The following SYT14 variants were observed in gnomAD, a reference collection of about 807,000 sequenced individuals.
SYT14 encodes the protein synaptotagmin 14, also known as synaptotagmin-14.
In SYT14, 32 loss-of-function variants were observed where a neutral mutation model predicts 74.2. The observed-to-expected ratio is 0.43, with a 90% CI of 0.33 to 0.58. The LOEUF (loss-of-function observed/expected upper bound fraction) is 0.58. Ranked by LOEUF, SYT14 falls within the 20% of genes least tolerant of loss-of-function variation. The probability of loss-of-function intolerance (pLI) is 0.05; values close to 1 mark genes in which losing one functional copy is unlikely to be tolerated. For missense variants in SYT14, 791 were observed against 981.8 expected, an observed-to-expected ratio of 0.81 and a Z score of 2.60; for synonymous variants, 298 against 337.7, an observed-to-expected ratio of 0.88 and a Z score of 1.29.
intron 2 of SYT14, among the ~76,000 whole-genome samples, chr1:210,010,976 T>A (rs2080076237): frequency 6.6e-6 from 1 of 152,142 alleles, no homozygotes; most frequent in South Asian, 2.1e-4. Context: ...TGCTGTATGG[T>A]TTTGTGCTAT....
intron 5 of SYT14, among the ~76,000 whole-genome samples, chr1:210,027,263 A>G (rs922230273): frequency 6.6e-6 from 1 of 152,100 alleles, no homozygotes; most frequent in African/African-American, 2.4e-5. Context: ...AAATTTTGAA[A>G]AACTAGCCGA....
chr1:210,029,045 A>G (rs1031205243), intron 5 of SYT14, among the ~76,000 whole-genome samples: 1 of 152,132 alleles, frequency 6.6e-6, no homozygotes, highest in Admixed American at 6.5e-5. Flanking sequence ...ACATCATTTC[A>G]TGTGCTTATT....
At chr1:210,144,613 C>T (rs1288713995) in intron 7 of SYT14, among the ~76,000 whole-genome samples, 2 of 151,980 alleles carry the variant, frequency 1.3e-5, no homozygotes, top group African/African-American at 4.8e-5. Flanking sequence ...TCACTAACCA[C>T]TGTTGGAAAA....
intron 2 of SYT14, among the ~76,000 whole-genome samples, chr1:209,977,422 G>A (rs560845497): frequency 1.6e-4 from 25 of 152,132 alleles, no homozygotes; most frequent in African/African-American, 4.3e-4. Context: ...ATCTCTCACC[G>A]TTTGCTTGTC....
chr1:210,003,467 A>G (rs549025425), intron 2 of SYT14, among the ~76,000 whole-genome samples: 3 of 152,270 alleles, frequency 2.0e-5, no homozygotes, highest in East Asian at 3.9e-4. Context: ...CTGTTATTCT[A>G]ATGGAGTTTT....
chr1:209,947,728 A>G (rs534453613), intron 1 of SYT14, among the ~76,000 whole-genome samples: 33 of 152,366 alleles, frequency 2.2e-4, no homozygotes, highest in Admixed American at 2.2e-3. Flanking sequence ...GACTGACTCC[A>G]GTTTTTAAAG....
At chr1:209,953,853 T>C (rs2078951142) in intron 2 of SYT14, among the ~76,000 whole-genome samples, 1 of 152,204 alleles carries the variant, frequency 6.6e-6, no homozygotes, top group African/African-American at 2.4e-5. Context: ...TTGAAGTCAG[T>C]TTCATGAAAT....
At chr1:210,071,070 T>A (rs1173731264) in intron 5 of SYT14, among the ~76,000 whole-genome samples, 1 of 151,846 alleles carries the variant, frequency 6.6e-6, no homozygotes, top group African/African-American at 2.4e-5. Flanking sequence ...AGTAATACCA[T>A]TTTTTACTAT....
intron 5 of SYT14, among the ~76,000 whole-genome samples, chr1:210,055,825 A>T (rs2081085804): frequency 2.0e-5 from 3 of 152,038 alleles, no homozygotes; most frequent in Admixed American, 6.6e-5. Flanking sequence ...TTAATTTGTT[A>T]TAGTTATTGG....
At chr1:210,007,895 T>C (rs2080017672) in intron 2 of SYT14, among the ~76,000 whole-genome samples, 1 of 152,166 alleles carries the variant, frequency 6.6e-6, no homozygotes. Context: ...TTATCATAAA[T>C]TGTCTTGAGT....
intron 2 of SYT14, among the ~76,000 whole-genome samples, chr1:209,973,760 G>C (rs1329156726): frequency 6.6e-6 from 1 of 152,192 alleles, no homozygotes; most frequent in Non-Finnish European, 1.5e-5. Context: ...GGTATTTCTA[G>C]TTCTAGATCC....
intron 5 of SYT14, among the ~76,000 whole-genome samples, chr1:210,075,618 C>T (rs2081485020): frequency 6.6e-6 from 1 of 152,162 alleles, no homozygotes; most frequent in Non-Finnish European, 1.5e-5. Flanking sequence ...CAGGCATGAG[C>T]CACCGTGCCT....
chr1:209,962,827 G>A (rs1424416272), intron 2 of SYT14, among the ~76,000 whole-genome samples: 1 of 152,008 alleles, frequency 6.6e-6, no homozygotes, highest in Admixed American at 6.6e-5. Flanking sequence ...GACTATGAGA[G>A]CCCATCCTGT....
At chr1:209,984,209 C>T (rs11119380) in intron 2 of SYT14, among the ~76,000 whole-genome samples, 20,964 of 152,196 alleles carry the variant, frequency 0.14, 4,511 homozygotes, top group African/African-American at 0.46. Flanking sequence ...CTGATTTTAG[C>T]GCCAACTAGC....
At chr1:210,095,160 G>T (rs1004408212) in intron 6 of SYT14, among the ~76,000 whole-genome samples, 1 of 152,150 alleles carries the variant, frequency 6.6e-6, no homozygotes, top group African/African-American at 2.4e-5. Context: ...TTTTGTGGCA[G>T]TTTTGAAGTA....
At chr1:210,058,744 G>T (rs894444211) in intron 5 of SYT14, among the ~76,000 whole-genome samples, 1 of 152,178 alleles carries the variant, frequency 6.6e-6, no homozygotes, top group Non-Finnish European at 1.5e-5. Flanking sequence ...AAACAGTAAG[G>T]CAGTCTCAGC....
chr1:209,941,004 A>G (rs1357094183), intron 1 of SYT14, among the ~76,000 whole-genome samples: 1 of 152,170 alleles, frequency 6.6e-6, no homozygotes, highest in African/African-American at 2.4e-5. Context: ...AGTCTCTTTT[A>G]GCTTGACTAC....
exon 10 of SYT14, chr1:210,163,028 AGG>A: frequency 2.2e-6 from 1 of 453,650 alleles, no homozygotes; most frequent in Non-Finnish European, 4.4e-6. Flanking sequence ...AGACTTGAAG[AGG>A]GGATGTAGAT....
intron 1 of SYT14, among the ~76,000 whole-genome samples, chr1:209,939,184 G>A (rs2102632870): frequency 6.6e-6 from 1 of 152,306 alleles, no homozygotes; most frequent in South Asian, 2.1e-4. Context: ...ATATTTATGT[G>A]AAAGATTACA....
Sources: allele counts gnomAD v4.1 joint callset (sites outside exome capture counted in the v4.1 genomes callset), GRCh38; gene constraint gnomAD v4.1.1; transcripts MANE v1.5; gene names NCBI Gene and HGNC (gene_info 2026-07-23, HGNC 2026-07-21).